Variants in NDC80 observed in about 807,000 individuals in gnomAD.
NDC80 encodes the protein NDC80 kinetochore complex component.
Under a neutral mutation model 89.3 loss-of-function variants are expected in NDC80, and 69 were observed. That is an observed-to-expected ratio of 0.77 (90% CI 0.64 to 0.94). NDC80 has a LOEUF of 0.94. Ranked by LOEUF, NDC80 falls within the 40% of genes least tolerant of loss-of-function variation. NDC80 has a pLI of 0.00. For missense variants in NDC80, 593 were observed against 739.6 expected (o/e 0.80, Z 2.30); for synonymous variants, 243 against 255.6 (o/e 0.95, Z 0.47).
In NDC80 at chr18:2,616,448, G is replaced by T. The variant is rs1234120220; in HGVS notation, c.1803G>T (p.Glu601Asp). 1 of 1,492,226 alleles carries T rather than the reference G, an allele frequency of 6.7e-7. No individual in the cohort carries two copies. Among genetic ancestry groups the T allele is most frequent in the Non-Finnish European group, 9.0e-7 (1 of 1,113,564 alleles). The allele number at this position is 1,492,226 out of a possible 1,614,324, so 92.4% of individuals were successfully genotyped here. ...ATTCTCTTCACTAGAAACATCTTGAGGAGCAGATTGCTAAAGTTGATAGAG... is the reference window on the plus strand; with the variant it reads ...ATTCTCTTCACTAGAAACATCTTGATGAGCAGATTGCTAAAGTTGATAGAG... ...THVGSVEKHL[E>D]EQIAKVDREY... is the part of the protein sequence containing the mutation. Residue 601 changes from glutamate (E) to aspartate (D), a missense_variant, in exon 17 of 17, where the codon GAG (glutamate) becomes GAT (aspartate). Transcript: ENST00000261597.
chr18:2,594,945 A>G (rs1317949720), intron 10 of NDC80: 1 of 152,188 alleles, frequency 6.6e-6, no homozygotes, highest in Non-Finnish European at 1.5e-5. Flanking sequence ...TTGGGGTATC[A>G]TGGAGCCTCA....
At position 2,578,020 on chromosome 18, in the gene NDC80, G is replaced by A. The variant is rs774519264; in HGVS notation, c.355G>A (p.Ala119Thr). Residue 119 changes from alanine to threonine, a missense_variant, in exon 5 of 17, where the codon GCT becomes ACT. Ala to Thr is a moderately conservative substitution (Grantham distance 58, BLOSUM62 0). Transcript: ENST00000261597. ...AHNVSMKSLQAPSVKDFLKIF... is the reference protein window; with the variant it reads ...AHNVSMKSLQTPSVKDFLKIF... ...TAATGTGTCCATGAAATCTCTACAA[G>A]CTCCCTCTGTTAAAGACTTCCTGAA... The A allele has an allele frequency of 2.0e-5, 32 of 1,613,868 alleles. No homozygotes were observed. The South Asian group carries it at 3.1e-4, about 16-fold the overall frequency.
intron 13 of NDC80, among the ~76,000 whole-genome samples, chr18:2,606,184 A>G (rs941503746): frequency 2.4e-4 from 36 of 151,702 alleles, no homozygotes; most frequent in African/African-American, 8.4e-4. Flanking sequence ...GCACTCCCAC[A>G]ACAACTAGTG....
At position 2,591,755 on chromosome 18, in the gene NDC80, C is replaced by CT. The variant is rs56126967; in HGVS notation, c.1015+1610dup. The stretch of plus-strand genomic sequence containing the variant: ...ATTTTTATAATGCAATTAATCAATA[C>CT]TTTTTTTTTTTTTTTTTGAGATGTA... On this transcript the variant is annotated intron_variant, in intron 10 of 16. Coordinates refer to ENST00000261597, the MANE Select transcript of NDC80 (RefSeq NM_006101.3). Among the ~76,000 whole-genome samples the CT allele has an allele frequency of 8.5e-3, 1,165 of 136,344 alleles. 17 individuals are homozygous for CT. The highest frequency in any genetic ancestry group is 0.025 in the African/African-American group (954 of 37,428). 89.4% of individuals were successfully genotyped at this position (136,344 alleles called of 152,430 possible).
chr18:2,610,507 C>T (rs1435951887), intron 15 of NDC80, among the ~76,000 whole-genome samples: 1 of 152,196 alleles, frequency 6.6e-6, no homozygotes, highest in East Asian at 1.9e-4. Context: ...AGTTACAACC[C>T]TTCGCTCCAA....
intron 11 of NDC80, among the ~76,000 whole-genome samples, chr18:2,598,767 CA>C (rs1954993072): frequency 1.3e-5 from 2 of 152,050 alleles, no homozygotes; most frequent in Non-Finnish European, 1.5e-5. Context: ...TCCAAGCTGT[CA>C]GATAAATGGA....
chr18:2,604,724 T>C (rs968169901), intron 13 of NDC80, among the ~76,000 whole-genome samples: 1 of 152,082 alleles, frequency 6.6e-6, no homozygotes, highest in African/African-American at 2.4e-5. Flanking sequence ...TAAATTACCA[T>C]GAGTGTAAGT....
intron 13 of NDC80, among the ~76,000 whole-genome samples, chr18:2,603,968 CAA>C (rs2072697694): frequency 6.6e-6 from 1 of 152,042 alleles, no homozygotes. Context: ...CACAACATGA[CAA>C]AGATATTACA....
intron 6 of NDC80, 81 bp from the exon 7 acceptor site, chr18:2,585,032 G>T: frequency 1.0e-6 from 1 of 953,828 alleles, no homozygotes; most frequent in South Asian, 1.4e-5. Flanking sequence ...TTCTAAAATT[G>T]ACACTGAAAA....
intron 8 of NDC80, 29 bp downstream of exon 8, chr18:2,587,952 C>T: frequency 6.3e-7 from 1 of 1,579,454 alleles, no homozygotes; most frequent in Non-Finnish European, 8.7e-7. Context: ...AGGGTGCTTG[C>T]TTTTGGTCAT....
At chr18:2,600,994 G>A (rs1294983605) in intron 12 of NDC80, among the ~76,000 whole-genome samples, 3 of 152,148 alleles carry the variant, frequency 2.0e-5, no homozygotes, top group African/African-American at 7.2e-5. Flanking sequence ...TACAGGCAGA[G>A]AATCCTAAGA....
rs1305361435 is a variant in NDC80, at chr18:2,587,822, C to T, written c.670-8C>T. On this transcript the variant is annotated splice_polypyrimidine_tract_variant and splice_region_variant and intron_variant, in intron 7 of 16. Coordinates refer to ENST00000261597, the MANE Select transcript of NDC80 (RefSeq NM_006101.3). ...AACTTTGTTTCTAAAATCTGCTTAACCCCATAGTTGTTTTTGGACTACACC... is the reference window on the plus strand; with the variant it reads ...AACTTTGTTTCTAAAATCTGCTTAATCCCATAGTTGTTTTTGGACTACACC... The T allele has an allele frequency of 3.7e-6, 6 of 1,607,620 alleles. No individual in the cohort carries two copies. Among genetic ancestry groups the T allele is most frequent in the Non-Finnish European group, 4.3e-6 (5 of 1,174,742 alleles).
intron 14 of NDC80, among the ~76,000 whole-genome samples, chr18:2,607,965 G>GTGTA (rs1284761469): frequency 8.8e-5 from 6 of 68,142 alleles, no homozygotes; most frequent in Non-Finnish European, 1.4e-4. Flanking sequence ...TATATACATA[G>GTGTA]TATATATATA....
At chr18:2,577,371 C>A (rs751834229) in intron 3 of NDC80, 1 of 172,114 alleles carries the variant, frequency 5.8e-6, no homozygotes, top group South Asian at 1.3e-4. Context: ...CCTGCCAACA[C>A]GTCTGGCTAA....
intron 3 of NDC80, 41 bp downstream of exon 3, chr18:2,575,107 T>C (rs372396934): frequency 2.7e-5 from 38 of 1,385,692 alleles, no homozygotes; most frequent in African/African-American, 2.6e-4. Context: ...GGGATTCTTA[T>C]AGCCATACGT....
Position 2,606,351 on chromosome 18 carries a change from A to G in NDC80, c.1465-64A>G, listed in dbSNP as rs1176018015. On this transcript the variant is annotated intron_variant, in intron 13 of 16. Transcript: ENST00000261597. ...AGTTGATTGATAATATAAAAACTCT[A>G]TAACTTGTTAAAATATCTTTGATGT... 3.5e-6 allele frequency: 4 copies of G among 1,129,368 alleles called. No homozygotes were observed. In the African/African-American group the frequency reaches 6.3e-5, roughly 18 times the overall value. 70.0% of individuals were successfully genotyped at this position (1,129,368 alleles called of 1,614,324 possible). A position where few individuals can be genotyped will look rare whatever the true frequency, so the allele number is the denominator to read the frequency against.
Position 2,578,958 on chromosome 18 carries a change from T to A in NDC80, c.508T>A (p.Tyr170Asn). 2.6e-6 allele frequency: 4 copies of A among 1,565,816 alleles called. No individual in the cohort carries two copies. The highest frequency in any genetic ancestry group is 3.5e-6 in the Non-Finnish European group (4 of 1,156,932). Reference sequence around the variant, plus strand: ...TTTTGCACTATCCAAAAGCTCCATGTACACAGTGGGGGCTCCTCATACATG... The same window carrying A: ...TTTTGCACTATCCAAAAGCTCCATGAACACAGTGGGGGCTCCTCATACATG... ...YPFALSKSSM[Y>N]TVGAPHTWPH... Residue 170 changes from tyrosine (Y) to asparagine (N), a missense_variant, in exon 6 of 17, where the codon TAC becomes AAC. Coordinates refer to ENST00000261597, the MANE Select transcript of NDC80 (RefSeq NM_006101.3).
chr18:2,593,055 T>TGTGTGTG (rs770101280), intron 10 of NDC80, among the ~76,000 whole-genome samples: 7 of 89,486 alleles, frequency 7.8e-5, no homozygotes, highest in South Asian at 3.7e-4. Flanking sequence ...TGTGTGTGTG[T>TGTGTGTG]CTTTTTTTTT....
At chr18:2,595,665 C>T in intron 11 of NDC80, 44 bp downstream of exon 11, 1 of 1,556,500 alleles carries the variant, frequency 6.4e-7, no homozygotes, top group Non-Finnish European at 8.8e-7. Flanking sequence ...CATAGCTGAC[C>T]TTTCTGAAGG....
Sources: allele counts gnomAD v4.1 joint callset (sites outside exome capture counted in the v4.1 genomes callset), GRCh38; gene constraint gnomAD v4.1.1; transcripts MANE v1.5; gene names NCBI Gene and HGNC (gene_info 2026-07-23, HGNC 2026-07-21).